The following TAB2 variants were observed in gnomAD, a reference collection of about 807,000 sequenced individuals.
The protein encoded by TAB2 is TGF-beta activated kinase 1 (MAP3K7) binding protein 2.
Under a neutral mutation model 65.0 loss-of-function variants are expected in TAB2, and 3 were observed. The ratio of observed to expected loss-of-function variants is 0.05; its 90% CI spans 0.02 to 0.12. The LOEUF is 0.12. TAB2 is among the 10% of genes least tolerant of loss of function. The pLI, the probability that TAB2 is intolerant of heterozygous loss-of-function variation, is 1.00. For synonymous variants in TAB2, 298 were observed against 285.1 expected (o/e 1.05, Z -0.46); for missense variants, 623 against 840.3 (o/e 0.74, Z 3.20).
chr6:149,246,034 T>G, intron 1 of TAB2: 1 of 152,220 alleles, frequency 6.6e-6, no homozygotes, highest in East Asian at 1.9e-4. Context: ...TTCTCCTGCC[T>G]CAGCCTCTTA....
chr6:149,225,933 G>A (rs1480066919), intron 1 of TAB2, among the ~76,000 whole-genome samples: 1 of 151,920 alleles, frequency 6.6e-6, no homozygotes, highest in Non-Finnish European at 1.5e-5. Context: ...AGCAGAATAA[G>A]CAAGGGAACA....
At chr6:149,300,091 A>T (rs1419314282) in intron 1 of TAB2, among the ~76,000 whole-genome samples, 1 of 152,108 alleles carries the variant, frequency 6.6e-6, no homozygotes, top group Non-Finnish European at 1.5e-5. Flanking sequence ...TTTTTGAAGA[A>T]TTTTTGTCTC....
chr6:149,400,868 A>G (rs531528433), intron 6 of TAB2: 15 of 634,990 alleles, frequency 2.4e-5, no homozygotes, highest in South Asian at 2.3e-4. Flanking sequence ...GTACACAAGC[A>G]TATTGCTTTT....
At chr6:149,406,962 C>T (rs964855481) in intron 6 of TAB2, among the ~76,000 whole-genome samples, 23 of 152,164 alleles carry the variant, frequency 1.5e-4, no homozygotes, top group Non-Finnish European at 2.5e-4. Context: ...AGTGATCCAC[C>T]CGTCTCGGCC....
chr6:149,358,334 A>G (rs1780735917), intron 1 of TAB2, among the ~76,000 whole-genome samples: 1 of 152,182 alleles, frequency 6.6e-6, no homozygotes, highest in Non-Finnish European at 1.5e-5. Flanking sequence ...TATTCTGCAC[A>G]TGAAGCAAGT....
intron 1 of TAB2, among the ~76,000 whole-genome samples, chr6:149,338,683 C>G (rs1317257556): frequency 6.6e-6 from 1 of 152,122 alleles, no homozygotes; most frequent in Non-Finnish European, 1.5e-5. Flanking sequence ...TAACAGCAAC[C>G]TACAAGGAGC....
intron 1 of TAB2, among the ~76,000 whole-genome samples, chr6:149,366,453 G>T (rs1414717216): frequency 6.6e-6 from 1 of 152,120 alleles, no homozygotes; most frequent in Non-Finnish European, 1.5e-5. Context: ...GCTTTCAGCT[G>T]TTATGATCAT....
intron 1 of TAB2, among the ~76,000 whole-genome samples, chr6:149,297,342 A>G (rs938023888): frequency 3.3e-5 from 5 of 152,232 alleles, no homozygotes; most frequent in African/African-American, 1.2e-4. Context: ...TTTCTTAGTC[A>G]TATCCATGAC....
At chr6:149,335,778 G>A (rs932540644) in intron 1 of TAB2, among the ~76,000 whole-genome samples, 2 of 151,920 alleles carry the variant, frequency 1.3e-5, no homozygotes. Context: ...AATAAGCAGA[G>A]TAACACCTCA....
intron 6 of TAB2, chr6:149,400,269 G>A (rs1395634180): frequency 7.3e-6 from 8 of 1,090,962 alleles, no homozygotes; most frequent in African/African-American, 3.1e-5. Flanking sequence ...GGATGTGCAC[G>A]CACCCTCTCC....
chr6:149,233,427 C>T (rs1157925574), intron 1 of TAB2, among the ~76,000 whole-genome samples: 1 of 152,164 alleles, frequency 6.6e-6, no homozygotes, highest in African/African-American at 2.4e-5. Context: ...CAGGGCCCAG[C>T]AACCAGTTCT....
At chr6:149,368,335 G>T (rs1781105863) in intron 1 of TAB2, among the ~76,000 whole-genome samples, 1 of 152,130 alleles carries the variant, frequency 6.6e-6, no homozygotes, top group Non-Finnish European at 1.5e-5. Context: ...GTGTATAGTG[G>T]CTTTGATAAG....
upstream of TAB2, among the ~76,000 whole-genome samples, chr6:149,314,242 C>T (rs559254212): frequency 5.2e-4 from 79 of 152,320 alleles, 4 homozygotes; most frequent in South Asian, 0.015. Flanking sequence ...TTTGTGCCTT[C>T]GAACCTAATC....
chr6:149,258,890 G>A (rs1026485583), intron 1 of TAB2, among the ~76,000 whole-genome samples: 4 of 152,224 alleles, frequency 2.6e-5, no homozygotes, highest in African/African-American at 9.6e-5. Context: ...TGTTAGCACA[G>A]AGGTTCAGCA....
chr6:149,264,007 C>T (rs1291501419), intron 1 of TAB2, among the ~76,000 whole-genome samples: 1 of 152,232 alleles, frequency 6.6e-6, no homozygotes, highest in Non-Finnish European at 1.5e-5. Context: ...GAATGCGTCT[C>T]AGTTTATGCT....
chr6:149,337,922 TG>T (rs368428205), intron 1 of TAB2, among the ~76,000 whole-genome samples: 234 of 152,096 alleles, frequency 1.5e-3, no homozygotes, highest in African/African-American at 4.3e-3. Flanking sequence ...TAATAGAACT[TG>T]GTGGTATGGG....
At chr6:149,264,214 C>G (rs774372540) in intron 1 of TAB2, among the ~76,000 whole-genome samples, 2 of 152,180 alleles carry the variant, frequency 1.3e-5, no homozygotes, top group Non-Finnish European at 2.9e-5. Context: ...TCATGGCACC[C>G]TTGCTTGGAG....
chr6:149,373,512 T>C (rs1323201861), intron 2 of TAB2, among the ~76,000 whole-genome samples: 1 of 152,192 alleles, frequency 6.6e-6, no homozygotes, highest in Non-Finnish European at 1.5e-5. Flanking sequence ...CTGAGATTCT[T>C]GCGATCAGCG....
intron 1 of TAB2, among the ~76,000 whole-genome samples, chr6:149,347,891 TATG>T (rs901426052): frequency 3.3e-5 from 5 of 152,214 alleles, no homozygotes; most frequent in African/African-American, 1.2e-4. Context: ...ACTTAGGTAA[TATG>T]ATTCTTATTT....
Sources: allele counts gnomAD v4.1 joint callset (sites outside exome capture counted in the v4.1 genomes callset), GRCh38; gene constraint gnomAD v4.1.1; transcripts MANE v1.5; gene names NCBI Gene and HGNC (gene_info 2026-07-23, HGNC 2026-07-21).